The following DNAH12 variants were observed in gnomAD, a reference collection of about 807,000 sequenced individuals.
The protein encoded by DNAH12 is dynein axonemal heavy chain 12.
Under a neutral mutation model 371.5 loss-of-function variants are expected in DNAH12, and 285 were observed. The observed-to-expected ratio is 0.77, with a 90% CI of 0.70 to 0.85. The LOEUF (loss-of-function observed/expected upper bound fraction) is 0.85, where lower values mean the gene tolerates loss of function less well. DNAH12 is among the 40% of genes least tolerant of loss of function. The pLI, the probability that DNAH12 is intolerant of heterozygous loss-of-function variation, is 0.00. For missense variants in DNAH12, 3,611 were observed against 3,689.4 expected (o/e 0.98, Z 0.55); for synonymous variants, 1,200 against 1,213.0 (o/e 0.99, Z 0.22).
At chr3:57,435,436 A>G (rs1280334808) in intron 30 of DNAH12, among the ~76,000 whole-genome samples, 3 of 151,722 alleles carry the variant, frequency 2.0e-5, no homozygotes, top group South Asian at 2.1e-4. Flanking sequence ...AAAATGATTC[A>G]TGAAAAACAG....
intron 2 of DNAH12, among the ~76,000 whole-genome samples, chr3:57,528,097 C>G (rs951693516): frequency 6.6e-6 from 1 of 151,940 alleles, no homozygotes; most frequent in South Asian, 2.1e-4. Context: ...GGTGCAATCT[C>G]GGCTCACCGC....
chr3:57,454,490 A>AAC (rs2065848210), intron 23 of DNAH12, among the ~76,000 whole-genome samples: 2 of 152,166 alleles, frequency 1.3e-5, no homozygotes, highest in Admixed American at 1.3e-4. Flanking sequence ...CAAAAAAAAA[A>AAC]AAAAATGAAT....
intron 37 of DNAH12, 57 bp from the exon 38 acceptor site, chr3:57,415,621 C>G: frequency 6.8e-7 from 1 of 1,471,564 alleles, no homozygotes. Context: ...GAATACATTT[C>G]TACTAAAGGA....
intron 56 of DNAH12, among the ~76,000 whole-genome samples, chr3:57,367,534 C>A (rs2063077747): frequency 6.6e-6 from 1 of 152,154 alleles, no homozygotes; most frequent in Non-Finnish European, 1.5e-5. Context: ...ATGACTAAAG[C>A]TCTTAAAGGT....
chr3:57,491,081 C>CAAAAAAAAAAAAAAAAAAAAA (rs553885449), intron 11 of DNAH12, among the ~76,000 whole-genome samples: 1 of 70,398 alleles, frequency 1.4e-5, no homozygotes. Context: ...GACTCTATCT[C>CAAAAAAAAAAAAAAAAAAAAA]AAAAAAAAAA....
intron 17 of DNAH12, among the ~76,000 whole-genome samples, chr3:57,467,222 G>A (rs760626596): frequency 1.3e-5 from 2 of 152,088 alleles, no homozygotes; most frequent in Non-Finnish European, 2.9e-5. Flanking sequence ...GGGTTCAAAT[G>A]ATTCTCCTCC....
chr3:57,329,711 T>C (rs1470362727), intron 62 of DNAH12, among the ~76,000 whole-genome samples: 1 of 149,620 alleles, frequency 6.7e-6, no homozygotes, highest in African/African-American at 2.5e-5. Flanking sequence ...AATTGACAAA[T>C]GGGATCTAAT....
At position 57,309,288 on chromosome 3, in the gene DNAH12, T is replaced by G. The variant is rs144781300; in HGVS notation, c.11086-34A>C. 821 of 1,471,246 alleles carry G rather than the reference T, an allele frequency of 5.6e-4. 3 individuals carry two copies. Among genetic ancestry groups the G allele is most frequent in the Middle Eastern group, 3.6e-3 (20 of 5,494 alleles). The allele number at this position is 1,471,246 out of a possible 1,614,324, so 91.1% of individuals were successfully genotyped here. A position where few individuals can be genotyped will look rare whatever the true frequency, so the allele number is the denominator to read the frequency against. Reference sequence around the variant, plus strand: ...ATAGATTTTGAAGATCACAAATTATTCTCAGAATGGATAATTAGCTTAATT... The same window carrying G: ...ATAGATTTTGAAGATCACAAATTATGCTCAGAATGGATAATTAGCTTAATT... On this transcript the variant is annotated intron_variant, in intron 68 of 73. Transcript: ENST00000495027.
Position 57,323,695 on chromosome 3 carries a change from A to G in DNAH12, c.9979-76T>C, listed in dbSNP as rs531848248. 275 of 1,375,476 alleles carry G rather than the reference A, an allele frequency of 2.0e-4. No individual in the cohort carries two copies. In the African/African-American group the frequency reaches 3.1e-3, roughly 16 times the overall value. The allele number at this position is 1,375,476 out of a possible 1,614,324, so 85.2% of individuals were successfully genotyped here. ...TGGATATGAATATTATTGAAAAACA[A>G]CAAAGAATACAATTTGAGCCTAATG... On this transcript the variant is annotated intron_variant, in intron 62 of 73. Coordinates refer to ENST00000495027, the MANE Select transcript of DNAH12 (RefSeq NM_001366028.2).
intron 59 of DNAH12, among the ~76,000 whole-genome samples, chr3:57,355,071 T>A (rs1238197566): frequency 6.6e-6 from 1 of 152,174 alleles, no homozygotes; most frequent in African/African-American, 2.4e-5. Flanking sequence ...TTAATGTTAT[T>A]ATCATGGTTG....
Position 57,419,522 on chromosome 3 carries a change from C to T in DNAH12, c.5563-4G>A, listed in dbSNP as rs1312046610. On this transcript the variant is annotated splice_polypyrimidine_tract_variant and splice_region_variant and intron_variant, in intron 36 of 73. Transcript: ENST00000495027. ...CCCAGCGACCTTTGTTTTTCAACTA[C>T]AAGAAAATATAAGTTTTAAAATATT... 7.0e-7 allele frequency: 1 copy of T among 1,421,220 alleles called. No individual in the cohort carries two copies. Among genetic ancestry groups the T allele is most frequent in the East Asian group, 2.8e-5 (1 of 35,354 alleles). The allele number at this position is 1,421,220 out of a possible 1,614,324, so 88.0% of individuals were successfully genotyped here. A position where few individuals can be genotyped will look rare whatever the true frequency, so the allele number is the denominator to read the frequency against.
At position 57,365,720 on chromosome 3, in the gene DNAH12, C is replaced by T. The variant is rs2063035971; in HGVS notation, c.9167+1009G>A. Among the ~76,000 whole-genome samples, 2 of 151,930 alleles carry T rather than the reference C, an allele frequency of 1.3e-5. 1 individual carries two copies. Among genetic ancestry groups the T allele is most frequent in the South Asian group, 4.2e-4 (2 of 4,784 alleles). On this transcript the variant is annotated intron_variant, in intron 57 of 73. Transcript: ENST00000495027. ...ACATTGAAGTGTATTCCTTTCCAATCTTTTTTTATTCTTTTTATATATGTA... is the reference window on the plus strand; with the variant it reads ...ACATTGAAGTGTATTCCTTTCCAATTTTTTTTTATTCTTTTTATATATGTA...
intron 45 of DNAH12, among the ~76,000 whole-genome samples, chr3:57,391,246 C>G (rs1441624219): frequency 6.6e-6 from 1 of 152,152 alleles, no homozygotes; most frequent in Non-Finnish European, 1.5e-5. Flanking sequence ...TGGGCTGCAT[C>G]CAATTGTCCT....
At chr3:57,537,926 G>T (rs527804114) in intron 2 of DNAH12, among the ~76,000 whole-genome samples, 1 of 151,994 alleles carries the variant, frequency 6.6e-6, no homozygotes, top group Non-Finnish European at 1.5e-5. Context: ...CTCATGATCC[G>T]CCCGCCTTGG....
At chr3:57,461,461 C>T in intron 19 of DNAH12, 28 bp downstream of exon 19, 1 of 1,547,594 alleles carries the variant, frequency 6.5e-7, no homozygotes, top group Non-Finnish European at 8.7e-7. Flanking sequence ...TATAAATGAC[C>T]AAGAGCTGAT....
At chr3:57,493,762 G>A (rs2067211963) in intron 11 of DNAH12, 1 of 148,248 alleles carries the variant, frequency 6.7e-6, no homozygotes. Flanking sequence ...CTCATTATTG[G>A]GTACTTGACC....
chr3:57,421,383 G>A, intron 36 of DNAH12, 135 bp downstream of exon 36: 1 of 665,310 alleles, frequency 1.5e-6, no homozygotes, highest in South Asian at 2.8e-5. Flanking sequence ...GTTATGGGAG[G>A]TGAAACTAAA....
At chr3:57,352,413 C>A (rs2062699726) in intron 59 of DNAH12, among the ~76,000 whole-genome samples, 188 bp from the exon 60 acceptor site, 1 of 151,954 alleles carries the variant, frequency 6.6e-6, no homozygotes, top group African/African-American at 2.4e-5. Flanking sequence ...ATGTCAGTTT[C>A]TCGGTTGTAC....
chr3:57,364,931 G>T (rs2063015097), intron 57 of DNAH12, among the ~76,000 whole-genome samples: 2 of 152,228 alleles, frequency 1.3e-5, no homozygotes, highest in Non-Finnish European at 2.9e-5. Flanking sequence ...TCTTATGCCA[G>T]TCAGAATGAC....
Sources: gnomAD v4.1 joint callset for allele counts (sites outside exome capture counted in the v4.1 genomes callset) on GRCh38, gnomAD v4.1.1 for gene constraint, MANE v1.5 for transcripts, NCBI Gene and HGNC (gene_info 2026-07-23, HGNC 2026-07-21) for gene names.